AGBL1: variants seen among roughly 807,000 people sequenced by gnomAD.
AGBL1 encodes AGBL carboxypeptidase 1.
Under a neutral mutation model 118.9 loss-of-function variants are expected in AGBL1, and 130 were observed. That is an observed-to-expected ratio of 1.09 (90% CI 0.95 to 1.26). The LOEUF (loss-of-function observed/expected upper bound fraction) is 1.26. Ranked by LOEUF, AGBL1 falls within the 50% of genes most tolerant of loss-of-function variation. The pLI is 0.00. For synonymous variants in AGBL1, 555 were observed against 478.9 expected (o/e 1.16, Z -2.08); for missense variants, 1,584 against 1,298.1 (o/e 1.22, Z -3.38).
intron 22 of AGBL1, among the ~76,000 whole-genome samples, chr15:86,881,274 T>C (rs910345422): frequency 1.1e-4 from 16 of 152,212 alleles, no homozygotes; most frequent in African/African-American, 3.9e-4. Context: ...TTTTCTTTTT[T>C]CAAAATTCTT....
chr15:86,521,072 A>G (rs1394105805), intron 18 of AGBL1, among the ~76,000 whole-genome samples: 1 of 152,188 alleles, frequency 6.6e-6, no homozygotes, highest in Non-Finnish European at 1.5e-5. Flanking sequence ...AAGACCTACC[A>G]TTTATCAAGT....
chr15:86,656,447 A>G (rs1455723226), intron 21 of AGBL1, among the ~76,000 whole-genome samples: 2 of 152,166 alleles, frequency 1.3e-5, no homozygotes, highest in East Asian at 3.9e-4. Context: ...AGTGTTGTAG[A>G]GTTCTAAAGG....
chr15:87,001,200 C>T (rs2081433478), intron 24 of AGBL1, among the ~76,000 whole-genome samples: 1 of 149,386 alleles, frequency 6.7e-6, no homozygotes, highest in South Asian at 2.2e-4. Context: ...TTCCTCTTTT[C>T]CTAATTGAAT....
intron 21 of AGBL1, among the ~76,000 whole-genome samples, chr15:86,592,118 C>A (rs1477730772): frequency 6.6e-6 from 1 of 152,144 alleles, no homozygotes; most frequent in Non-Finnish European, 1.5e-5. Context: ...AATTTGATCA[C>A]TTGGTTAAAG....
chr15:86,176,283 G>A (rs1208379363), intron 5 of AGBL1, among the ~76,000 whole-genome samples: 2 of 152,050 alleles, frequency 1.3e-5, no homozygotes, highest in Admixed American at 6.5e-5. Flanking sequence ...TCCCTAGATG[G>A]TGTGGTCATG....
intron 12 of AGBL1, 135 bp from the exon 13 acceptor site, chr15:86,266,855 C>T: frequency 1.3e-6 from 1 of 763,828 alleles, no homozygotes; most frequent in Non-Finnish European, 2.1e-6. Flanking sequence ...GAGCTGACAT[C>T]CCGCCCTGCA....
Position 86,539,023 on chromosome 15 carries a change from A to C in AGBL1, c.2686-6979A>C, listed in dbSNP as rs1004423507. ...AACTCATGTTTGCATGAACTAAATT[A>C]ACCTTGCAATTTAGCTCAGACAAGA... On this transcript the variant is annotated intron_variant, in intron 19 of 22. Transcript: ENST00000614907. Among the ~76,000 whole-genome samples, 16 of 152,310 alleles carry C rather than the reference A, an allele frequency of 1.1e-4. No homozygotes were observed. The East Asian group carries it at 2.9e-3, about 28-fold the overall frequency.
intron 5 of AGBL1, among the ~76,000 whole-genome samples, chr15:86,188,835 G>A (rs550694838): frequency 5.3e-5 from 8 of 152,296 alleles, no homozygotes; most frequent in African/African-American, 1.9e-4. Context: ...TGTGAGACAA[G>A]AAGAAATCTC....
intron 21 of AGBL1, among the ~76,000 whole-genome samples, chr15:86,670,263 T>C (rs527337660): frequency 6.6e-6 from 1 of 152,188 alleles, no homozygotes; most frequent in South Asian, 2.1e-4. Context: ...ACCAGGTATT[T>C]TGATATGTGC....
At chr15:86,747,710 G>C (rs575212905) in intron 22 of AGBL1, among the ~76,000 whole-genome samples, 3 of 151,982 alleles carry the variant, frequency 2.0e-5, no homozygotes, top group African/African-American at 7.3e-5. Context: ...TTCCCACCTA[G>C]GAGTGAGAAC....
intron 5 of AGBL1, among the ~76,000 whole-genome samples, chr15:86,216,532 T>A (rs998332738): frequency 1.3e-5 from 2 of 152,192 alleles, no homozygotes; most frequent in Admixed American, 6.5e-5. Flanking sequence ...ATTTTCAAAT[T>A]CTTTATTCTG....
At chr15:86,853,312 C>T (rs2079432367) in intron 22 of AGBL1, among the ~76,000 whole-genome samples, 1 of 152,108 alleles carries the variant, frequency 6.6e-6, no homozygotes, top group Non-Finnish European at 1.5e-5. Flanking sequence ...CATACAAGAT[C>T]CACAAATAAG....
At chr15:86,853,056 T>C (rs7164124) in intron 22 of AGBL1, among the ~76,000 whole-genome samples, 2 of 123,656 alleles carry the variant, frequency 1.6e-5, no homozygotes, top group South Asian at 4.8e-4. Context: ...CCAAAAAAAA[T>C]CTCAAAGCCC....
chr15:86,122,274 T>C (rs1024299558), intron 1 of AGBL1, among the ~76,000 whole-genome samples: 3 of 152,162 alleles, frequency 2.0e-5, no homozygotes, highest in Non-Finnish European at 4.4e-5. Context: ...TCATGGAAAA[T>C]AGGAAGGAGG....
chr15:86,293,174 CT>C (rs1253887451), intron 16 of AGBL1, among the ~76,000 whole-genome samples: 1 of 152,114 alleles, frequency 6.6e-6, no homozygotes, highest in Non-Finnish European at 1.5e-5. Flanking sequence ...TTCTTTTTCC[CT>C]TGTATGTTAG....
chr15:86,530,630 C>A (rs2083336732), intron 19 of AGBL1, among the ~76,000 whole-genome samples: 2 of 151,528 alleles, frequency 1.3e-5, no homozygotes, highest in Admixed American at 1.3e-4. Flanking sequence ...CTACAGAACT[C>A]TCCACCCCAA....
intron 22 of AGBL1, among the ~76,000 whole-genome samples, chr15:86,714,110 A>G (rs1427345664): frequency 6.6e-6 from 1 of 152,180 alleles, no homozygotes; most frequent in East Asian, 1.9e-4. Context: ...AATTGCTACC[A>G]CCACTTCCTT....
chr15:86,502,376 A>C (rs4296220), intron 18 of AGBL1, among the ~76,000 whole-genome samples: 87,078 of 151,202 alleles, frequency 0.58, 25,639 homozygotes, highest in East Asian at 0.77. Flanking sequence ...TATCATTTGC[A>C]AATAAAGATA....
Position 86,729,973 on chromosome 15 carries a change from G to A in AGBL1, c.3158+55537G>A, listed in dbSNP as rs149392157. On this transcript the variant is annotated intron_variant, in intron 22 of 22. Transcript: ENST00000614907. Reference sequence around the variant, plus strand: ...TTTAAAGTAATAGTCATTCTGACTAGTGTGAGATGGTACCTCATTGTGGTT... The same window carrying A: ...TTTAAAGTAATAGTCATTCTGACTAATGTGAGATGGTACCTCATTGTGGTT... Among the ~76,000 whole-genome samples the A allele has an allele frequency of 3.8e-3, 578 of 152,268 alleles. 5 individuals are homozygous for A. The highest frequency in any genetic ancestry group is 0.019 in the South Asian group (93 of 4,822).
Sources: allele counts gnomAD v4.1 joint callset (sites outside exome capture counted in the v4.1 genomes callset), GRCh38; gene constraint gnomAD v4.1.1; transcripts MANE v1.5; gene names NCBI Gene and HGNC (gene_info 2026-07-23, HGNC 2026-07-21).